The following RAP1GAP2 variants were observed in gnomAD, a reference collection of about 807,000 sequenced individuals.
RAP1GAP2 encodes the protein rap1 GTPase-activating protein 2.
In RAP1GAP2, 27 loss-of-function variants were observed where a neutral mutation model predicts 95.0. The ratio of observed to expected loss-of-function variants is 0.28; its 90% CI spans 0.21 to 0.39. The LOEUF (loss-of-function observed/expected upper bound fraction) is 0.39, where lower values mean the gene tolerates loss of function less well. Ranked by LOEUF, RAP1GAP2 falls within the 10% of genes least tolerant of loss-of-function variation. RAP1GAP2 has a pLI of 1.00. For synonymous variants in RAP1GAP2, 373 were observed against 380.9 expected (o/e 0.98, Z 0.24); for missense variants, 771 against 970.0 (o/e 0.79, Z 2.72).
chr17:2,860,834 G>A (rs1189700068), intron 2 of RAP1GAP2, among the ~76,000 whole-genome samples: 1 of 151,858 alleles, frequency 6.6e-6, no homozygotes, highest in African/African-American at 2.4e-5. Context: ...TTGAACTCCT[G>A]GCCTCAAGTG....
chr17:2,966,230 G>A (rs1195144080), intron 8 of RAP1GAP2, among the ~76,000 whole-genome samples: 1 of 152,202 alleles, frequency 6.6e-6, no homozygotes, highest in Non-Finnish European at 1.5e-5. Flanking sequence ...AACCTCCTCT[G>A]TACCAGGAAC....
chr17:2,838,457 C>A (rs1001371370), intron 2 of RAP1GAP2, among the ~76,000 whole-genome samples: 6 of 152,110 alleles, frequency 3.9e-5, no homozygotes, highest in Admixed American at 3.3e-4. Flanking sequence ...GTGAGCAGGG[C>A]CTGTCCTTGG....
intron 17 of RAP1GAP2, among the ~76,000 whole-genome samples, chr17:3,013,632 C>CTTTTTT (rs998163717): frequency 8.6e-4 from 68 of 78,840 alleles, no homozygotes; most frequent in Admixed American, 1.4e-3. Context: ...CTTTTCTTTT[C>CTTTTTT]TTTTTTTTTT....
chr17:2,930,851 T>C (rs910432648), intron 3 of RAP1GAP2, among the ~76,000 whole-genome samples: 17 of 151,898 alleles, frequency 1.1e-4, no homozygotes, highest in African/African-American at 3.6e-4. Context: ...GAGCTGGGCG[T>C]GGTGGCTCAC....
chr17:2,970,805 T>G (rs188457284), intron 8 of RAP1GAP2, among the ~76,000 whole-genome samples: 6 of 152,230 alleles, frequency 3.9e-5, no homozygotes, highest in African/African-American at 1.4e-4. Context: ...TTTGGGAGGC[T>G]GAGGCGGGAG....
At chr17:2,785,899 CTT>C (rs386385450) in intron 1 of RAP1GAP2, among the ~76,000 whole-genome samples, 5 of 119,916 alleles carry the variant, frequency 4.2e-5, no homozygotes, top group African/African-American at 6.4e-5. Context: ...AAAAGTATGA[CTT>C]TTTTTTTTTT....
upstream of RAP1GAP2, among the ~76,000 whole-genome samples, chr17:2,792,522 G>A (rs1021368696): frequency 6.6e-6 from 1 of 152,190 alleles, no homozygotes; most frequent in African/African-American, 2.4e-5. Context: ...ACCCTGCAGG[G>A]CTCATGATGG....
At chr17:2,769,498 T>C (rs908247473) in intron 1 of RAP1GAP2, among the ~76,000 whole-genome samples, 2 of 150,976 alleles carry the variant, frequency 1.3e-5, no homozygotes, top group African/African-American at 2.4e-5. Context: ...GAGCTTGCAG[T>C]GAGCCGAGAT....
chr17:2,791,431 CATT>C (rs2068921504), intron 1 of RAP1GAP2, among the ~76,000 whole-genome samples: 1 of 152,188 alleles, frequency 6.6e-6, no homozygotes, highest in African/African-American at 2.4e-5. Flanking sequence ...TTTCCATCTT[CATT>C]ATTCTCTCCC....
rs2046254240 is a variant in RAP1GAP2, at chr17:3,004,022, G to A, written c.1201-1347G>A. ...GCTGGAGGAGGAGGGGGAGTGGGGT[G>A]GGAAGGGCAGAGCTGGGGCTGCCCT... is the stretch of plus-strand genomic sequence containing the variant. On this transcript the variant is annotated intron_variant, in intron 14 of 24. Coordinates refer to ENST00000254695, the MANE Select transcript of RAP1GAP2 (RefSeq NM_015085.5). The surrounding 1 kb of genome is among the most constrained non-coding windows in gnomAD (Gnocchi z 4.1). Among the ~76,000 whole-genome samples the A allele has an allele frequency of 6.6e-6, 1 of 152,150 alleles. No individual in the cohort carries two copies. The highest frequency in any genetic ancestry group is 1.5e-5 in the Non-Finnish European group (1 of 68,026).
intron 3 of RAP1GAP2, among the ~76,000 whole-genome samples, chr17:2,951,747 A>G (rs960356288): frequency 6.8e-6 from 1 of 147,240 alleles, no homozygotes; most frequent in African/African-American, 2.5e-5. Context: ...AAGACGTGAA[A>G]CCTAGGCTGG....
chr17:2,785,971 G>A lies in RAP1GAP2; in HGVS notation c.-14+8693G>A, dbSNP rs373785952. 8.1e-4 allele frequency among the ~76,000 whole-genome samples: 118 copies of A among 145,118 alleles called. 1 individual carries two copies. The South Asian group carries it at 0.024, about 29-fold the overall frequency. On this transcript the variant is annotated intron_variant, in intron 1 of 24. Transcript: ENST00000540393. ...GGCTGGAGTGCAGTGGTCAGATCTC[G>A]GCTCACCGCAACCTCCACCTCCCGG...
At chr17:2,940,471 G>T (rs56215632) in intron 3 of RAP1GAP2, among the ~76,000 whole-genome samples, 2 of 152,230 alleles carry the variant, frequency 1.3e-5, no homozygotes, top group African/African-American at 4.8e-5. Flanking sequence ...ATGGCGAGAG[G>T]GGGAGGGACT....
At chr17:2,824,127 A>C (rs1297708749) in intron 2 of RAP1GAP2, among the ~76,000 whole-genome samples, 1 of 147,886 alleles carries the variant, frequency 6.8e-6, no homozygotes, top group Non-Finnish European at 1.5e-5. Context: ...TCTCAAAAAA[A>C]AAAAAAAAAG....
chr17:2,843,913 A>G (rs2071470974), intron 2 of RAP1GAP2, among the ~76,000 whole-genome samples: 1 of 151,988 alleles, frequency 6.6e-6, no homozygotes, highest in Non-Finnish European at 1.5e-5. Flanking sequence ...CCTTGTGGGT[A>G]CAGTGAGCGA....
Position 3,027,539 on chromosome 17 carries a change from C to T in RAP1GAP2, c.2107+469C>T, listed in dbSNP as rs949139308. On this transcript the variant is annotated intron_variant, in intron 22 of 24. Coordinates refer to ENST00000254695, the MANE Select transcript of RAP1GAP2 (RefSeq NM_015085.5). The surrounding 1 kb of genome is among the most constrained non-coding windows in gnomAD (Gnocchi z 5.2). Reference sequence around the variant, plus strand: ...CAGAGGAGAGGAGAGAGCGGGTATTCCGGAACTGCACGTGTTCATGGCAGC... The same window carrying T: ...CAGAGGAGAGGAGAGAGCGGGTATTTCGGAACTGCACGTGTTCATGGCAGC... 2.6e-5 allele frequency among the ~76,000 whole-genome samples: 4 copies of T among 152,120 alleles called. No individual in the cohort carries two copies. Among genetic ancestry groups the T allele is most frequent in the South Asian group, 4.1e-4 (2 of 4,822 alleles).
Position 2,891,814 on chromosome 17 carries a change from C to CTTTTTTTTT in RAP1GAP2, c.81-13452_81-13444dup, listed in dbSNP as rs917540694. ...TGATATGCAGATTCATATTTCTTTTCTTTTTTTTTTTTTTTTTTTTTTTTT... is the reference window on the plus strand; with the variant it reads ...TGATATGCAGATTCATATTTCTTTTCTTTTTTTTTTTTTTTTTTTTTTTTTTTTTTTTTT... On this transcript the variant is annotated intron_variant, in intron 2 of 24. Transcript: ENST00000254695. 1.1e-3 allele frequency among the ~76,000 whole-genome samples: 57 copies of CTTTTTTTTT among 54,278 alleles called. 2 individuals are homozygous for CTTTTTTTTT. Among genetic ancestry groups the CTTTTTTTTT allele is most frequent in the African/African-American group, 2.0e-3 (29 of 14,272 alleles). The allele number at this position is 54,278 out of a possible 152,430, so 35.6% of individuals were successfully genotyped here. A position where few individuals can be genotyped will look rare whatever the true frequency, so the allele number is the denominator to read the frequency against.
At chr17:2,889,094 A>G (rs1259637781) in intron 2 of RAP1GAP2, among the ~76,000 whole-genome samples, 11 of 151,952 alleles carry the variant, frequency 7.2e-5, no homozygotes, top group African/African-American at 2.7e-4. Flanking sequence ...TCAGATATGT[A>G]CCCTGCAGTG....
At chr17:2,790,497 G>C (rs2068897445) in intron 1 of RAP1GAP2, among the ~76,000 whole-genome samples, 1 of 152,198 alleles carries the variant, frequency 6.6e-6, no homozygotes, top group South Asian at 2.1e-4. Flanking sequence ...TGACTAGTAG[G>C]CTGAAGTCTC....
Sources: allele counts gnomAD v4.1 joint callset (sites outside exome capture counted in the v4.1 genomes callset), GRCh38; gene constraint gnomAD v4.1.1; non-coding constraint Gnocchi (gnomAD v3.1); transcripts MANE v1.5; gene names NCBI Gene and HGNC (gene_info 2026-07-23, HGNC 2026-07-21).